The following RUNX1T1 variants were observed in gnomAD, a reference collection of about 807,000 sequenced individuals.
RUNX1T1 encodes the protein protein CBFA2T1.
Under a neutral mutation model 62.8 loss-of-function variants are expected in RUNX1T1, and 4 were observed. That is an observed-to-expected ratio of 0.06 (90% CI 0.03 to 0.15). The LOEUF (loss-of-function observed/expected upper bound fraction) is 0.15, where lower values mean the gene tolerates loss of function less well. RUNX1T1 is among the 10% of genes least tolerant of loss of function. The pLI is 1.00. For missense variants in RUNX1T1, 508 were observed against 754.3 expected (o/e 0.67, Z 3.82); for synonymous variants, 291 against 286.0 (o/e 1.02, Z -0.18).
intron 2 of RUNX1T1, among the ~76,000 whole-genome samples, chr8:92,068,169 A>T (rs1039220116): frequency 6.6e-6 from 1 of 152,166 alleles, no homozygotes; most frequent in African/African-American, 2.4e-5. Flanking sequence ...TTGCAATGTA[A>T]ATCTGCAAAT....
rs768394236 is a variant in RUNX1T1, at chr8:92,003,587, A to G, written c.659+1529T>C. The stretch of plus-strand genomic sequence containing the variant: ...ATAAATTTCCTTCTTCCAATTTTCC[A>G]TCGAGTCTCTCCTTCATTCTTTTAC... On this transcript the variant is annotated intron_variant, in intron 5 of 10. Coordinates refer to ENST00000396218, the Ensembl canonical transcript of RUNX1T1. 7.0e-4 allele frequency among the ~76,000 whole-genome samples: 107 copies of G among 152,144 alleles called. 1 individual carries two copies. Among genetic ancestry groups the G allele is most frequent in the Non-Finnish European group, 1.4e-3 (94 of 68,012 alleles).
intron 1 of RUNX1T1, among the ~76,000 whole-genome samples, chr8:92,044,233 A>G (rs1158309367): frequency 1.3e-5 from 2 of 152,202 alleles, no homozygotes; most frequent in Non-Finnish European, 2.9e-5. Context: ...CAAAAATTCA[A>G]TAGTAGCGAT....
chr8:92,080,063 C>A (rs569688433), intron 1 of RUNX1T1, among the ~76,000 whole-genome samples: 78 of 151,820 alleles, frequency 5.1e-4, no homozygotes, highest in African/African-American at 1.4e-3. Context: ...TTAGTAACTT[C>A]TTTTTTATCT....
chr8:92,013,697 G>C (rs545306461), intron 3 of RUNX1T1, among the ~76,000 whole-genome samples: 1 of 151,990 alleles, frequency 6.6e-6, no homozygotes, highest in Non-Finnish European at 1.5e-5. Context: ...AAGTGACTTA[G>C]AACGCAAAAA....
intron 1 of RUNX1T1, among the ~76,000 whole-genome samples, chr8:92,047,145 CTG>C: frequency 6.6e-6 from 1 of 152,150 alleles, no homozygotes; most frequent in East Asian, 1.9e-4. Flanking sequence ...CTGCTACTCT[CTG>C]GTCTCATCTC....
At chr8:92,057,125 C>G (rs1322065934) in intron 1 of RUNX1T1, among the ~76,000 whole-genome samples, 3 of 152,132 alleles carry the variant, frequency 2.0e-5, no homozygotes, top group Admixed American at 1.3e-4. Flanking sequence ...GCATGCTAAC[C>G]TGTTTTATCC....
At chr8:92,095,364 C>T (rs1275492378) in intron 1 of RUNX1T1, 3 of 1,535,156 alleles carry the variant, frequency 2.0e-6, no homozygotes, top group Non-Finnish European at 2.6e-6. Flanking sequence ...CAAAGGAGCG[C>T]GGGAGAGCGG....
At chr8:91,983,273 GT>G (rs934828569) in intron 8 of RUNX1T1, among the ~76,000 whole-genome samples, 1 of 151,972 alleles carries the variant, frequency 6.6e-6, no homozygotes, top group Admixed American at 6.6e-5. Flanking sequence ...GATTAATCGA[GT>G]TATTTTACTA....
At chr8:92,035,212 T>C (rs984195185) in intron 1 of RUNX1T1, among the ~76,000 whole-genome samples, 3 of 151,716 alleles carry the variant, frequency 2.0e-5, no homozygotes, top group African/African-American at 4.8e-5. Flanking sequence ...GGAGAATCGC[T>C]TGAACCCGGG....
At chr8:92,054,125 GAAAA>G (rs201817398) in intron 1 of RUNX1T1, among the ~76,000 whole-genome samples, 1 of 126,242 alleles carries the variant, frequency 7.9e-6, no homozygotes, top group African/African-American at 3.0e-5. Context: ...TTAGTACCTG[GAAAA>G]AAAAAAAAAA....
At chr8:92,022,785 T>C (rs1054209789) in intron 1 of RUNX1T1, among the ~76,000 whole-genome samples, 15 of 152,234 alleles carry the variant, frequency 9.9e-5, no homozygotes, top group African/African-American at 3.1e-4. Flanking sequence ...GTTTTATGAA[T>C]AGCATTTTTG....
intron 1 of RUNX1T1, among the ~76,000 whole-genome samples, chr8:92,022,770 T>C (rs897748582): frequency 5.9e-5 from 9 of 152,182 alleles, no homozygotes; most frequent in South Asian, 4.1e-4. Context: ...ACTAAGACCA[T>C]AGATGTTTTA....
chr8:91,962,659 G>A lies in RUNX1T1; in HGVS notation c.1459-2142C>T, dbSNP rs1056850524. On this transcript the variant is annotated intron_variant, in intron 10 of 10. Transcript: ENST00000396218. ...TGTGAGGTATAATACTCAGTGCTCA[G>A]AGTGAAGTTAACTTCCTTGAGGTTT... 3.3e-5 allele frequency among the ~76,000 whole-genome samples: 5 copies of A among 152,238 alleles called. No homozygotes were observed. In the East Asian group the frequency reaches 9.6e-4, roughly 29 times the overall value.
rs150443590 is a variant in RUNX1T1 at position 92,038,667 on chromosome 8, G to A, written c.8-21304C>T. ...AGGTTGCATTCATCTCAAAGACACT[G>A]ACTCATCTCAATTCTCCAGCCAAAC... On this transcript the variant is annotated intron_variant, in intron 1 of 10. Coordinates refer to ENST00000396218, the Ensembl canonical transcript of RUNX1T1. Among the ~76,000 whole-genome samples, 125 of 152,234 alleles carry A rather than the reference G, an allele frequency of 8.2e-4. 3 individuals carry two copies. The highest frequency in any genetic ancestry group is 1.1e-3 in the Non-Finnish European group (75 of 68,020).
chr8:92,075,084 A>G lies in RUNX1T1; in HGVS notation c.88+881T>C, dbSNP rs1473240622. On this transcript the variant is annotated intron_variant, in intron 2 of 11. Coordinates refer to the RUNX1T1 transcript ENST00000265814. ...GGTGGATGCTAGCAGTGATGTTTCC[A>G]GAACAGTGGTCACCAAGGGTGAGTA... 2.6e-5 allele frequency among the ~76,000 whole-genome samples: 4 copies of G among 152,238 alleles called. No homozygotes were observed. In the East Asian group the frequency reaches 7.7e-4, roughly 29 times the overall value.
downstream of RUNX1T1, chr8:91,957,726 C>A (rs1809591784): frequency 4.4e-6 from 1 of 225,506 alleles, no homozygotes; most frequent in African/African-American, 2.2e-5. Context: ...AAAGGACTGT[C>A]CAGTGTCACA....
upstream of RUNX1T1, chr8:92,063,027 G>C: frequency 1.0e-6 from 1 of 1,003,032 alleles, no homozygotes. Flanking sequence ...TGTAGACCTG[G>C]CCCCCTACCA....
chr8:92,092,868 G>GT (rs1209177019), intron 1 of RUNX1T1, among the ~76,000 whole-genome samples: 2 of 151,236 alleles, frequency 1.3e-5, no homozygotes, highest in Middle Eastern at 3.4e-3. Flanking sequence ...TTATTTTTTT[G>GT]TTTTTTTGTT....
intron 6 of RUNX1T1, among the ~76,000 whole-genome samples, chr8:91,989,661 GGAT>G (rs1452832231): frequency 6.6e-6 from 1 of 152,038 alleles, no homozygotes; most frequent in Non-Finnish European, 1.5e-5. Flanking sequence ...CTACAAAATG[GGAT>G]CCCTTGAACT....
Sources: allele counts gnomAD v4.1 joint callset (sites outside exome capture counted in the v4.1 genomes callset), GRCh38; gene constraint gnomAD v4.1.1; transcripts MANE v1.5; gene names NCBI Gene and HGNC (gene_info 2026-07-23, HGNC 2026-07-21).